The following NEBL variants were observed in gnomAD, a reference collection of about 807,000 sequenced individuals.
NEBL encodes the protein nebulette.
NEBL carries 122 observed loss-of-function variants against 140.2 expected under a neutral mutation model. The observed-to-expected ratio is 0.87, with a 90% CI of 0.75 to 1.01. The LOEUF (loss-of-function observed/expected upper bound fraction) is 1.01. NEBL is among the 50% of genes least tolerant of loss of function. NEBL has a pLI of 0.00. For missense variants in NEBL, 1,365 were observed against 1,231.3 expected (o/e 1.11, Z -1.62); for synonymous variants, 436 against 398.9 (o/e 1.09, Z -1.11).
intron 26 of NEBL, among the ~76,000 whole-genome samples, chr10:20,802,509 A>G (rs1837214821): frequency 2.0e-5 from 3 of 152,230 alleles, no homozygotes; most frequent in African/African-American, 7.2e-5. Flanking sequence ...ATTGAAAAGT[A>G]GATTGACAAG....
At chr10:20,859,394 G>A (rs1287933354) in intron 8 of NEBL, among the ~76,000 whole-genome samples, 1 of 151,914 alleles carries the variant, frequency 6.6e-6, no homozygotes, top group Non-Finnish European at 1.5e-5. Context: ...AATTACATGA[G>A]GTAACTACTG....
chr10:20,829,423 C>G (rs1840189364), intron 16 of NEBL, among the ~76,000 whole-genome samples: 2 of 113,346 alleles, frequency 1.8e-5, no homozygotes, highest in African/African-American at 7.0e-5. Flanking sequence ...ACATCACACT[C>G]TGGGGACTGT....
intron 3 of NEBL, among the ~76,000 whole-genome samples, chr10:21,000,428 CTT>C (rs1406333354): frequency 1.3e-5 from 2 of 152,016 alleles, no homozygotes; most frequent in Non-Finnish European, 2.9e-5. Context: ...TCAAAAGTGA[CTT>C]TTCCTGGCCA....
chr10:21,239,651 C>T (rs1421245968), intron 3 of NEBL, among the ~76,000 whole-genome samples: 1 of 152,172 alleles, frequency 6.6e-6, no homozygotes, highest in African/African-American at 2.4e-5. Flanking sequence ...TGACCCTTCT[C>T]CCTTGGGACT....
At chr10:20,889,646 T>C (rs1846844902) in intron 3 of NEBL, among the ~76,000 whole-genome samples, 199 bp downstream of exon 3, 1 of 152,170 alleles carries the variant, frequency 6.6e-6, no homozygotes, top group South Asian at 2.1e-4. Flanking sequence ...TAATAAAATG[T>C]ATGAAGCATA....
At chr10:20,977,195 C>G (rs1836839351) in intron 3 of NEBL, among the ~76,000 whole-genome samples, 1 of 152,080 alleles carries the variant, frequency 6.6e-6, no homozygotes, top group Non-Finnish European at 1.5e-5. Context: ...TAGATAGAAG[C>G]CGGAAGTCAG....
chr10:20,975,800 A>T (rs904702990), intron 3 of NEBL, among the ~76,000 whole-genome samples: 2 of 152,196 alleles, frequency 1.3e-5, no homozygotes, highest in Non-Finnish European at 2.9e-5. Context: ...CTGCTGAGGT[A>T]GCTGCCAAAG....
At chr10:21,191,235 T>C (rs1261933365) in intron 3 of NEBL, among the ~76,000 whole-genome samples, 4 of 152,204 alleles carry the variant, frequency 2.6e-5, no homozygotes, top group Non-Finnish European at 5.9e-5. Flanking sequence ...TAGGAGCTTA[T>C]GATATGCCAG....
intron 3 of NEBL, among the ~76,000 whole-genome samples, chr10:20,995,842 A>G (rs2131698498): frequency 6.6e-6 from 1 of 152,138 alleles, no homozygotes; most frequent in Admixed American, 6.5e-5. Flanking sequence ...GCCCGCTCTG[A>G]GCTAGATGTT....
chr10:20,930,871 C>A (rs920225750), intron 4 of NEBL, among the ~76,000 whole-genome samples: 3 of 152,024 alleles, frequency 2.0e-5, no homozygotes, highest in South Asian at 4.2e-4. Flanking sequence ...TCAAAGTAGG[C>A]AATATTGTAT....
intron 3 of NEBL, among the ~76,000 whole-genome samples, chr10:21,183,415 GC>G (rs1288470404): frequency 1.3e-5 from 2 of 152,108 alleles, no homozygotes; most frequent in Admixed American, 6.6e-5. Flanking sequence ...GAGCACAGAT[GC>G]AGGGACCTCT....
At chr10:21,127,294 C>A (rs1325043722) in intron 2 of NEBL, among the ~76,000 whole-genome samples, 1 of 151,992 alleles carries the variant, frequency 6.6e-6, no homozygotes, top group Non-Finnish European at 1.5e-5. Flanking sequence ...AAAAATTGAT[C>A]CCTACTAAAG....
chr10:20,839,464 C>T (rs1841203146), intron 13 of NEBL, among the ~76,000 whole-genome samples: 1 of 152,042 alleles, frequency 6.6e-6, no homozygotes, highest in Admixed American at 6.5e-5. Context: ...CCATGATTTC[C>T]TTTTGGGAAA....
chr10:21,072,661 T>C (rs1001635434), intron 2 of NEBL, among the ~76,000 whole-genome samples: 1 of 152,210 alleles, frequency 6.6e-6, no homozygotes, highest in African/African-American at 2.4e-5. Flanking sequence ...GCTCAGTTGT[T>C]GGTCATCTCT....
chr10:21,059,895 A>G (rs1835198131), intron 2 of NEBL, among the ~76,000 whole-genome samples: 1 of 152,202 alleles, frequency 6.6e-6, no homozygotes, highest in Non-Finnish European at 1.5e-5. Context: ...CAAACTGGGG[A>G]TCCTTCTTTG....
chr10:20,893,640 C>T (rs1847214336), intron 2 of NEBL, among the ~76,000 whole-genome samples: 1 of 152,100 alleles, frequency 6.6e-6, no homozygotes, highest in Admixed American at 6.5e-5. Context: ...GATCTCTAGG[C>T]CAATCTTGCT....
intron 3 of NEBL, among the ~76,000 whole-genome samples, chr10:21,230,605 T>C (rs1159227137): frequency 2.4e-5 from 3 of 126,602 alleles, no homozygotes; most frequent in Admixed American, 1.5e-4. Context: ...ACTGGAAACC[T>C]TTTTTTTTTT....
intron 3 of NEBL, among the ~76,000 whole-genome samples, chr10:20,888,670 A>T (rs1588950378): frequency 6.6e-6 from 1 of 152,188 alleles, no homozygotes; most frequent in South Asian, 2.1e-4. Flanking sequence ...TTATGTGCCT[A>T]CCCACCTCTA....
chr10:21,060,082 C>T (rs189249465), intron 2 of NEBL, among the ~76,000 whole-genome samples: 15 of 152,206 alleles, frequency 9.9e-5, no homozygotes, highest in Admixed American at 5.2e-4. Context: ...GTTTAATGCC[C>T]GGTCATCTAA....
Sources: allele counts gnomAD v4.1 joint callset (sites outside exome capture counted in the v4.1 genomes callset), GRCh38; gene constraint gnomAD v4.1.1; transcripts MANE v1.5; gene names NCBI Gene and HGNC (gene_info 2026-07-23, HGNC 2026-07-21).